CACNA2D1: variants seen among roughly 807,000 people sequenced by gnomAD.
The protein encoded by CACNA2D1 is calcium voltage-gated channel auxiliary subunit alpha2delta 1, also known as voltage-dependent calcium channel subunit alpha-2/delta-1.
In CACNA2D1, 53 loss-of-function variants were observed where a neutral mutation model predicts 171.5. The observed-to-expected ratio is 0.31, with a 90% CI of 0.25 to 0.39. The LOEUF is 0.39. Ranked by LOEUF, CACNA2D1 falls within the 10% of genes least tolerant of loss-of-function variation. CACNA2D1 has a pLI of 1.00. For synonymous variants in CACNA2D1, 442 were observed against 443.1 expected (o/e 1.00, Z 0.03); for missense variants, 903 against 1,299.8 (o/e 0.69, Z 4.69).
At chr7:82,170,098 T>C (rs1018917616) in intron 4 of CACNA2D1, among the ~76,000 whole-genome samples, 3 of 151,920 alleles carry the variant, frequency 2.0e-5, no homozygotes, top group African/African-American at 7.2e-5. Context: ...AGAAGTTGAA[T>C]ATATTCATTC....
intron 1 of CACNA2D1, among the ~76,000 whole-genome samples, chr7:82,435,339 G>C (rs1032807346): frequency 6.6e-6 from 1 of 151,794 alleles, no homozygotes; most frequent in Non-Finnish European, 1.5e-5. Flanking sequence ...GCCCGGCCCA[G>C]ATACATATTT....
chr7:82,076,736 T>G (rs1408334774), intron 7 of CACNA2D1, among the ~76,000 whole-genome samples: 2 of 152,156 alleles, frequency 1.3e-5, no homozygotes, highest in Non-Finnish European at 2.9e-5. Flanking sequence ...GCCTACACAT[T>G]AAATCCCAAA....
intron 12 of CACNA2D1, among the ~76,000 whole-genome samples, chr7:82,024,516 T>C (rs1801642224): frequency 2.0e-5 from 3 of 151,804 alleles, no homozygotes. Context: ...TCTTGAGTTG[T>C]AGGAGTTATT....
intron 3 of CACNA2D1, among the ~76,000 whole-genome samples, chr7:82,266,582 T>A (rs770881363): frequency 5.3e-5 from 8 of 151,618 alleles, no homozygotes; most frequent in Non-Finnish European, 1.0e-4. Context: ...AATGGTGTGA[T>A]CTCGGCTCAC....
intron 3 of CACNA2D1, among the ~76,000 whole-genome samples, chr7:82,205,125 T>C (rs915500125): frequency 1.3e-5 from 2 of 152,074 alleles, no homozygotes; most frequent in African/African-American, 4.8e-5. Context: ...ATGTCAAAAC[T>C]CCCTATGATT....
chr7:82,321,682 T>C (rs1346266400), intron 3 of CACNA2D1, among the ~76,000 whole-genome samples: 1 of 152,150 alleles, frequency 6.6e-6, no homozygotes, highest in South Asian at 2.1e-4. Context: ...TGATAGCTCC[T>C]ACCATCCCCA....
At chr7:81,950,577 C>T (rs1485469864) in intron 38 of CACNA2D1, 69 bp from the exon 39 acceptor site, 4 of 1,530,282 alleles carry the variant, frequency 2.6e-6, no homozygotes, top group Non-Finnish European at 3.5e-6. Context: ...TATTTAGTAA[C>T]ACATCTTTCA....
intron 2 of CACNA2D1, 67 bp from the exon 3 acceptor site, chr7:82,335,318 G>A (rs560425359): frequency 1.1e-5 from 10 of 912,664 alleles, no homozygotes; most frequent in African/African-American, 8.2e-5. Context: ...GTTCCCATTG[G>A]AATGTATTTA....
intron 4 of CACNA2D1, among the ~76,000 whole-genome samples, chr7:82,150,231 A>G (rs547526310): frequency 1.4e-5 from 2 of 146,970 alleles, no homozygotes; most frequent in East Asian, 4.0e-4. Flanking sequence ...TGGTGTTTCC[A>G]CTAACTGCTT....
intron 3 of CACNA2D1, among the ~76,000 whole-genome samples, chr7:82,303,040 C>A (rs1313624351): frequency 6.6e-6 from 1 of 152,144 alleles, no homozygotes; most frequent in Non-Finnish European, 1.5e-5. Context: ...GTCGCCCAGG[C>A]TGGAGTGCAG....
At chr7:82,439,023 T>A (rs1254284520) in intron 1 of CACNA2D1, among the ~76,000 whole-genome samples, 2 of 152,286 alleles carry the variant, frequency 1.3e-5, no homozygotes, top group East Asian at 3.9e-4. Flanking sequence ...CTAAGATATG[T>A]TTCATTTTAC....
At chr7:82,393,080 A>AG (rs1825345315) in intron 1 of CACNA2D1, among the ~76,000 whole-genome samples, 1 of 108,932 alleles carries the variant, frequency 9.2e-6, no homozygotes, top group Non-Finnish European at 1.9e-5. Context: ...GAAGGAAGGA[A>AG]GGAAGGCAGG....
chr7:82,395,760 T>C (rs553969228), intron 1 of CACNA2D1, among the ~76,000 whole-genome samples: 37 of 152,156 alleles, frequency 2.4e-4, no homozygotes, highest in Non-Finnish European at 5.1e-4. Context: ...TTTAGTATTA[T>C]AGTAAGTATG....
rs116407663 is a variant in CACNA2D1 at position 82,059,704 on chromosome 7, C to A, written c.879+724G>T. Among the ~76,000 whole-genome samples, 1,098 of 151,810 alleles carry A rather than the reference C, an allele frequency of 7.2e-3. 10 individuals carry two copies. The highest frequency in any genetic ancestry group is 0.025 in the African/African-American group (1,026 of 41,418). Reference sequence around the variant, plus strand: ...TCCTGGCATAGAATTATAAGAAGATCCACGCGGCACTATTCACAATAGCAA... The same window carrying A: ...TCCTGGCATAGAATTATAAGAAGATACACGCGGCACTATTCACAATAGCAA... On this transcript the variant is annotated intron_variant, in intron 10 of 38. Transcript: ENST00000356860.
At chr7:82,257,816 A>G (rs1806484731) in intron 3 of CACNA2D1, among the ~76,000 whole-genome samples, 1 of 152,250 alleles carries the variant, frequency 6.6e-6, no homozygotes, top group Non-Finnish European at 1.5e-5. Flanking sequence ...AGTGAAAGAG[A>G]GAAGAAACAT....
chr7:82,359,039 G>A (rs765818730), intron 1 of CACNA2D1, among the ~76,000 whole-genome samples: 3 of 152,022 alleles, frequency 2.0e-5, no homozygotes, highest in Non-Finnish European at 2.9e-5. Context: ...AGCCTTGAGG[G>A]TTTTGTTTTT....
At chr7:82,064,795 T>C (rs1170153643) in intron 8 of CACNA2D1, among the ~76,000 whole-genome samples, 1 of 150,034 alleles carries the variant, frequency 6.7e-6, no homozygotes, top group Non-Finnish European at 1.5e-5. Context: ...AAAAAAGAAA[T>C]ATAACTGGCC....
At chr7:82,375,618 C>T (rs1822935166) in intron 1 of CACNA2D1, among the ~76,000 whole-genome samples, 9 of 152,178 alleles carry the variant, frequency 5.9e-5, no homozygotes, top group Admixed American at 5.9e-4. Flanking sequence ...GCTTTCAACA[C>T]TTCTTACAAT....
chr7:81,980,687 G>C (rs555825456), intron 24 of CACNA2D1, among the ~76,000 whole-genome samples: 1 of 152,148 alleles, frequency 6.6e-6, no homozygotes, highest in African/African-American at 2.4e-5. Context: ...TCAAGTAAGA[G>C]GCAAATGTAG....
Sources: allele counts gnomAD v4.1 joint callset (sites outside exome capture counted in the v4.1 genomes callset), GRCh38; gene constraint gnomAD v4.1.1; transcripts MANE v1.5; gene names NCBI Gene and HGNC (gene_info 2026-07-23, HGNC 2026-07-21).